AS3MT: variants seen among roughly 807,000 people sequenced by gnomAD.
AS3MT encodes the protein arsenite methyltransferase.
A neutral mutation model predicts 45.3 loss-of-function variants in AS3MT; 47 were observed. The ratio of observed to expected loss-of-function variants is 1.04; its 90% CI spans 0.82 to 1.32. The LOEUF is 1.32. Ranked by LOEUF, AS3MT falls within the 40% of genes most tolerant of loss-of-function variation. AS3MT has a pLI of 0.00. For synonymous variants in AS3MT, 141 were observed against 152.8 expected (o/e 0.92, Z 0.57); for missense variants, 396 against 451.1 (o/e 0.88, Z 1.11).
intron 9 of AS3MT, among the ~76,000 whole-genome samples, chr10:102,888,882 T>TA (rs1491338454): frequency 9.4e-3 from 196 of 20,906 alleles, no homozygotes; most frequent in African/African-American, 0.018. Context: ...TATATATATA[T>TA]TTTTTTTTTT....
intron 10 of AS3MT, among the ~76,000 whole-genome samples, chr10:102,896,079 C>T (rs1482457378): frequency 6.6e-6 from 1 of 151,676 alleles, no homozygotes; most frequent in Non-Finnish European, 1.5e-5. Flanking sequence ...CCCGGCCAAT[C>T]CCAGCACTTT....
chr10:102,873,151 G>A lies in AS3MT; in HGVS notation c.376G>A (p.Ala126Thr). 1.2e-6 allele frequency: 2 copies of A among 1,608,546 alleles called. No individual in the cohort carries two copies. The highest frequency in any genetic ancestry group is 1.7e-6 in the Non-Finnish European group (2 of 1,178,316). Reference sequence around the variant, plus strand: ...TCACATGGAAAAATATGGCTTCCAGGCATCTAATGTGACTTTTATTCATGG... The same window carrying A: ...TCACATGGAAAAATATGGCTTCCAGACATCTAATGTGACTTTTATTCATGG... ...DYHMEKYGFQ[A>T]SNVTFIHGYI... Residue 126 changes from alanine to threonine, a missense_variant, in exon 5 of 11, where the codon GCA (alanine) becomes ACA (threonine). Coordinates refer to ENST00000369880, the MANE Select transcript of AS3MT (RefSeq NM_020682.4).
At chr10:102,869,920 C>A (rs924649723) in intron 2 of AS3MT, 75 bp downstream of exon 2, 3 of 1,592,160 alleles carry the variant, frequency 1.9e-6, no homozygotes, top group Non-Finnish European at 1.7e-6. Flanking sequence ...CGCACCCTGT[C>A]CCCCGGGACT....
chr10:102,879,759 A>T (rs1167062954), intron 9 of AS3MT, among the ~76,000 whole-genome samples: 2 of 133,270 alleles, frequency 1.5e-5, no homozygotes, highest in Non-Finnish European at 3.2e-5. Context: ...ACAGAGTGAG[A>T]CTCCATCTCA....
chr10:102,877,173 C>T (rs1274268009), intron 7 of AS3MT, 138 bp downstream of exon 7: 2 of 757,714 alleles, frequency 2.6e-6, no homozygotes, highest in Non-Finnish European at 4.3e-6. Flanking sequence ...TCTTCCTCTG[C>T]CATTCAAAAG....
intron 4 of AS3MT, among the ~76,000 whole-genome samples, chr10:102,872,815 A>G (rs17115188): frequency 0.012 from 1,790 of 152,288 alleles, 33 homozygotes; most frequent in African/African-American, 0.04. Context: ...TTGCTCTGAT[A>G]TGAATATCGT....
Position 102,878,401 on chromosome 10 carries a change from A to G in AS3MT, c.633A>G (p.Leu211=). Residue 211 remains leucine (L), a synonymous_variant, in exon 8 of 11, where the codon TTA becomes TTG. Coordinates refer to ENST00000369880, the MANE Select transcript of AS3MT (RefSeq NM_020682.4). ...TAGGTGAGTGTCTGGGTGGTGCTTT[A>G]TACTGGAAGGAACTTGCTGTCCTTG... ...VLWGECLGGA[L]YWKELAVLAQ... is the part of the protein sequence containing the mutation. 1 of 1,614,028 alleles carries G rather than the reference A, an allele frequency of 6.2e-7. No individual in the cohort carries two copies. The highest frequency in any genetic ancestry group is 1.3e-5 in the African/African-American group (1 of 74,988).
intron 10 of AS3MT, among the ~76,000 whole-genome samples, chr10:102,896,350 A>G (rs1463216109): frequency 6.6e-6 from 1 of 151,018 alleles, no homozygotes; most frequent in African/African-American, 2.4e-5. Context: ...AAAAAAAAAA[A>G]GCACAAAGCT....
intron 10 of AS3MT, among the ~76,000 whole-genome samples, 200 bp from the exon 11 acceptor site, chr10:102,900,393 C>T (rs888973563): frequency 2.6e-5 from 4 of 152,158 alleles, no homozygotes; most frequent in Admixed American, 2.0e-4. Flanking sequence ...GTGAAGTTTA[C>T]CTTGAAAGTT....
In AS3MT at chr10:102,878,485, A is replaced by T; in HGVS notation, c.717A>T (p.Gln239His). The change falls in exon 8 of 11, where the codon CAA becomes CAT. Residue 239 changes from glutamine (Q) to histidine (H), a missense_variant. Coordinates refer to ENST00000369880, the MANE Select transcript of AS3MT (RefSeq NM_020682.4). ...RLVTANLITI[Q>H]NKELERVIGD... ...TCACTGCCAATCTCATTACAATTCA[A>T]AACAAGGAACTGGAAAGAGTTATCG... 6.2e-7 allele frequency: 1 copy of T among 1,614,116 alleles called. No individual in the cohort carries two copies. The highest frequency in any genetic ancestry group is 8.5e-7 in the Non-Finnish European group (1 of 1,180,022).
At chr10:102,882,080 C>T (rs1255885714) in intron 9 of AS3MT, among the ~76,000 whole-genome samples, 3 of 152,122 alleles carry the variant, frequency 2.0e-5, no homozygotes, top group Non-Finnish European at 2.9e-5. Flanking sequence ...GCTGGGACTA[C>T]AGGTGCCCGC....
chr10:102,898,550 A>T (rs1043926593), intron 10 of AS3MT, among the ~76,000 whole-genome samples: 1 of 152,102 alleles, frequency 6.6e-6, no homozygotes, highest in African/African-American at 2.4e-5. Context: ...AGATCGTGCC[A>T]CTGCACTCCA....
chr10:102,887,092 C>T (rs1591915), intron 9 of AS3MT, among the ~76,000 whole-genome samples: 62,002 of 152,030 alleles, frequency 0.41, 12,868 homozygotes, highest in East Asian at 0.56. Context: ...GACCCATTGG[C>T]TATTCAGGAG....
chr10:102,893,573 G>A (rs1439824668), intron 10 of AS3MT, among the ~76,000 whole-genome samples: 1 of 146,810 alleles, frequency 6.8e-6, no homozygotes, highest in African/African-American at 2.5e-5. Context: ...TCGGCTCACT[G>A]CAACCTCTGC....
At chr10:102,884,880 C>A (rs1309793428) in intron 9 of AS3MT, among the ~76,000 whole-genome samples, 1 of 152,138 alleles carries the variant, frequency 6.6e-6, no homozygotes, top group African/African-American at 2.4e-5. Flanking sequence ...GATGTACATA[C>A]TTTCAGGGCA....
intron 5 of AS3MT, 79 bp downstream of exon 5, chr10:102,873,312 GCT>G: frequency 2.6e-6 from 3 of 1,161,436 alleles, no homozygotes; most frequent in Non-Finnish European, 3.4e-6. Flanking sequence ...ATGGACTCTC[GCT>G]CTGTCACCCA....
At chr10:102,900,104 C>T (rs1481089513) in intron 10 of AS3MT, among the ~76,000 whole-genome samples, 3 of 152,150 alleles carry the variant, frequency 2.0e-5, no homozygotes, top group Non-Finnish European at 4.4e-5. Context: ...ATACAGCAGT[C>T]TTATGTTACT....
intron 10 of AS3MT, among the ~76,000 whole-genome samples, chr10:102,895,645 C>A (rs1414306478): frequency 6.6e-6 from 1 of 152,204 alleles, no homozygotes; most frequent in African/African-American, 2.4e-5. Context: ...TACAATAATA[C>A]TAGCTTTGCC....
chr10:102,875,631 T>G (rs527454003), intron 6 of AS3MT, among the ~76,000 whole-genome samples: 6 of 150,806 alleles, frequency 4.0e-5, no homozygotes, highest in South Asian at 4.2e-4. Flanking sequence ...AAAAAAATGT[T>G]TTTTTTTTTG....
Sources: allele counts gnomAD v4.1 joint callset (sites outside exome capture counted in the v4.1 genomes callset), GRCh38; gene constraint gnomAD v4.1.1; transcripts MANE v1.5; gene names NCBI Gene and HGNC (gene_info 2026-07-23, HGNC 2026-07-21).